KCNK10: variants seen among roughly 807,000 people sequenced by gnomAD.
KCNK10 encodes the protein potassium two pore domain channel subfamily K member 10.
In KCNK10, 25 loss-of-function variants were observed where a neutral mutation model predicts 47.7. That is an observed-to-expected ratio of 0.52 (90% confidence interval 0.38 to 0.73). The LOEUF (loss-of-function observed/expected upper bound fraction) is 0.73. Ranked by LOEUF, KCNK10 falls within the 30% of genes least tolerant of loss-of-function variation. The pLI is 0.00. For missense variants in KCNK10, 563 were observed against 714.5 expected, an observed-to-expected ratio of 0.79 and a Z score of 2.42; for synonymous variants, 303 against 285.6, an observed-to-expected ratio of 1.06 and a Z score of -0.61.
At chr14:88,318,889 T>C (rs1888482930) in intron 1 of KCNK10, among the ~76,000 whole-genome samples, 2 of 152,240 alleles carry the variant, frequency 1.3e-5, no homozygotes, top group Admixed American at 1.3e-4. Context: ...TTTTACACTG[T>C]ATTCATCTGC....
chr14:88,254,926 T>A (rs1886902826), intron 2 of KCNK10, among the ~76,000 whole-genome samples: 1 of 152,204 alleles, frequency 6.6e-6, no homozygotes, highest in Non-Finnish European at 1.5e-5. Context: ...GCCAGTGACA[T>A]GCCAGGCACT....
intron 2 of KCNK10, among the ~76,000 whole-genome samples, chr14:88,242,903 T>C (rs114999503): frequency 0.017 from 2,649 of 152,290 alleles, 41 homozygotes; most frequent in Middle Eastern, 0.037. Flanking sequence ...CCTCAAATCA[T>C]ACCATCAGTA....
rs1884296051 is a variant in KCNK10 at position 88,180,244 on chromosome 14, T to C, written c.*5291A>G. ...TTGTTTTGTACTTTCCCTAAGAACA[T>C]TATGAAATCTCCCTCCCCCCACATT... On this transcript the variant is annotated 3_prime_UTR_variant, in exon 7 of 7. Transcript: ENST00000319231. 1 of 152,394 alleles carries C rather than the reference T, an allele frequency of 6.6e-6. No homozygotes were observed. 9.4% of individuals were successfully genotyped at this position (152,394 alleles called of 1,614,324 possible).
chr14:88,266,915 G>T (rs1887274082), intron 1 of KCNK10, among the ~76,000 whole-genome samples: 1 of 152,200 alleles, frequency 6.6e-6, no homozygotes, highest in Non-Finnish European at 1.5e-5. Flanking sequence ...GCAGAATTGG[G>T]CTTGAGAAAC....
intron 1 of KCNK10, among the ~76,000 whole-genome samples, chr14:88,303,517 C>A (rs374164989): frequency 1.7e-3 from 261 of 151,978 alleles, no homozygotes; most frequent in African/African-American, 6.2e-3. Context: ...GGGTGGCTGG[C>A]GGCAATGCGG....
chr14:88,263,174 G>C, intron 2 of KCNK10, 28 bp downstream of exon 2: 1 of 1,575,994 alleles, frequency 6.3e-7, no homozygotes, highest in Non-Finnish European at 8.7e-7. Flanking sequence ...CCACCAGCTG[G>C]CCTAAGATGG....
At chr14:88,239,999 T>C (rs182154909) in intron 3 of KCNK10, among the ~76,000 whole-genome samples, 2 of 152,068 alleles carry the variant, frequency 1.3e-5, no homozygotes, top group African/African-American at 2.4e-5. Context: ...CAAAGACTGA[T>C]ACAGGAAAGA....
chr14:88,249,227 C>A (rs765470758), intron 2 of KCNK10, among the ~76,000 whole-genome samples: 9 of 152,240 alleles, frequency 5.9e-5, no homozygotes, highest in Non-Finnish European at 1.0e-4. Flanking sequence ...GGCTTTTCAT[C>A]TCTTCTGCCC....
intron 4 of KCNK10, among the ~76,000 whole-genome samples, chr14:88,209,458 G>A (rs905800272): frequency 2.6e-5 from 4 of 152,244 alleles, no homozygotes; most frequent in South Asian, 2.1e-4. Flanking sequence ...CACGCAGACC[G>A]AATGGCAACG....
At chr14:88,291,713 AG>A (rs1408593045) in intron 1 of KCNK10, among the ~76,000 whole-genome samples, 6 of 152,252 alleles carry the variant, frequency 3.9e-5, no homozygotes, top group African/African-American at 9.6e-5. Context: ...TGCCCTCTGG[AG>A]GTGTGCAATG....
chr14:88,206,867 T>C (rs1380077311), intron 4 of KCNK10, among the ~76,000 whole-genome samples: 1 of 152,228 alleles, frequency 6.6e-6, no homozygotes, highest in Admixed American at 6.5e-5. Context: ...GGAGTATTCA[T>C]AAATATATGC....
chr14:88,258,635 A>C (rs1887026383), intron 2 of KCNK10, among the ~76,000 whole-genome samples: 1 of 152,186 alleles, frequency 6.6e-6, no homozygotes. Context: ...TACCTGATAC[A>C]TGCAGGAGTT....
In KCNK10 at chr14:88,320,514, C is replaced by T. The variant is rs1329418672; in HGVS notation, c.52+2233G>A. Among the ~76,000 whole-genome samples, 5 of 152,182 alleles carry T rather than the reference C, an allele frequency of 3.3e-5. No homozygotes were observed. The East Asian group carries it at 9.6e-4, about 29-fold the overall frequency. ...AGCACTTAGACAGCTGCCCACCTAA[C>T]ACACCCCTTGGATGGCTTGGGGACA... On this transcript the variant is annotated intron_variant, in intron 1 of 6. Coordinates refer to ENST00000319231, the MANE Select transcript of KCNK10 (RefSeq NM_138317.3).
upstream of KCNK10, among the ~76,000 whole-genome samples, chr14:88,324,281 C>G (rs1007569700): frequency 6.6e-6 from 1 of 152,198 alleles, no homozygotes; most frequent in Non-Finnish European, 1.5e-5. Context: ...GTGGTGGGGC[C>G]TCAGTCTTCA....
intron 3 of KCNK10, among the ~76,000 whole-genome samples, chr14:88,231,671 G>A (rs149873287): frequency 2.6e-5 from 4 of 152,196 alleles, no homozygotes; most frequent in East Asian, 1.9e-4. Context: ...ACTTTCTCAC[G>A]TTGAATTAGT....
intron 3 of KCNK10, among the ~76,000 whole-genome samples, chr14:88,231,933 C>T (rs939631936): frequency 1.5e-4 from 23 of 152,214 alleles, no homozygotes; most frequent in Admixed American, 9.8e-4. Flanking sequence ...CTATTATTCA[C>T]AAAGTGTGTC....
rs2139815860 is a variant in KCNK10 at position 88,183,076 on chromosome 14, G to C, written c.*2459C>G. 1 of 152,408 alleles carries C rather than the reference G, an allele frequency of 6.6e-6. No homozygotes were observed. Among genetic ancestry groups the C allele is most frequent in the Admixed American group, 6.5e-5 (1 of 15,300 alleles). The allele number at this position is 152,408 out of a possible 1,614,324, so 9.4% of individuals were successfully genotyped here. On this transcript the variant is annotated 3_prime_UTR_variant, in exon 7 of 7. Coordinates refer to ENST00000319231, the MANE Select transcript of KCNK10 (RefSeq NM_138317.3). ...TACACACAAACACACACAATCACAA[G>C]GATGCATGACACAGACACTGTAGTG... is the stretch of plus-strand genomic sequence containing the variant.
upstream of KCNK10, chr14:88,323,338 C>T: frequency 1.0e-6 from 1 of 969,406 alleles, no homozygotes; most frequent in Non-Finnish European, 1.2e-6. Context: ...GGCTCCTCGC[C>T]CCCGGCGACG....
At chr14:88,254,072 T>G (rs1332343781) in intron 2 of KCNK10, among the ~76,000 whole-genome samples, 1 of 152,118 alleles carries the variant, frequency 6.6e-6, no homozygotes, top group Non-Finnish European at 1.5e-5. Context: ...GTTCCAGACC[T>G]AGCCCCAGCC....
Sources: allele counts gnomAD v4.1 joint callset (sites outside exome capture counted in the v4.1 genomes callset), GRCh38; gene constraint gnomAD v4.1.1; transcripts MANE v1.5; gene names NCBI Gene and HGNC (gene_info 2026-07-23, HGNC 2026-07-21).